Variants in NKAIN2 observed in about 807,000 individuals in gnomAD.
The protein encoded by NKAIN2 is sodium/potassium-transporting ATPase subunit beta-1-interacting protein 2.
NKAIN2 carries 14 observed loss-of-function variants against 32.6 expected under a neutral mutation model. That is an observed-to-expected ratio of 0.43 (90% CI 0.28 to 0.67). The LOEUF is 0.67. Ranked by LOEUF, NKAIN2 falls within the 30% of genes least tolerant of loss-of-function variation. The pLI is 0.17. For missense variants in NKAIN2, 198 were observed against 258.3 expected (o/e 0.77, Z 1.60); for synonymous variants, 80 against 87.2 (o/e 0.92, Z 0.46).
At chr6:124,607,497 T>C (rs1176591047) in intron 3 of NKAIN2, among the ~76,000 whole-genome samples, 1 of 152,134 alleles carries the variant, frequency 6.6e-6, no homozygotes, top group Non-Finnish European at 1.5e-5. Flanking sequence ...CTAAATTAGA[T>C]TTCAATTTGT....
chr6:124,091,468 A>C (rs1784416865), intron 1 of NKAIN2, among the ~76,000 whole-genome samples: 1 of 152,050 alleles, frequency 6.6e-6, no homozygotes, highest in South Asian at 2.1e-4. Flanking sequence ...GTTGCATAAT[A>C]AGAAAACTGA....
At chr6:123,942,807 C>T (rs1410221015) in intron 1 of NKAIN2, among the ~76,000 whole-genome samples, 4 of 152,032 alleles carry the variant, frequency 2.6e-5, no homozygotes, top group Admixed American at 2.6e-4. Context: ...TTATCAATAG[C>T]TTCACAACAG....
chr6:124,010,272 C>T (rs1780266238), intron 1 of NKAIN2, among the ~76,000 whole-genome samples: 1 of 151,790 alleles, frequency 6.6e-6, no homozygotes, highest in South Asian at 2.1e-4. Context: ...GGCCCCTGGG[C>T]ATTTTTTAAC....
At chr6:124,572,418 C>G (rs1385792528) in intron 3 of NKAIN2, among the ~76,000 whole-genome samples, 1 of 152,160 alleles carries the variant, frequency 6.6e-6, no homozygotes, top group Non-Finnish European at 1.5e-5. Flanking sequence ...TGAACCATAA[C>G]TGAGCAAAAA....
intron 3 of NKAIN2, among the ~76,000 whole-genome samples, chr6:124,532,547 C>G (rs1779563348): frequency 6.6e-6 from 1 of 152,082 alleles, no homozygotes; most frequent in South Asian, 2.1e-4. Context: ...CAACCTCTTT[C>G]CATGAAGAGA....
chr6:124,136,443 A>G (rs771049552), intron 1 of NKAIN2, among the ~76,000 whole-genome samples: 23 of 152,152 alleles, frequency 1.5e-4, no homozygotes, highest in Admixed American at 4.6e-4. Flanking sequence ...AAGAACTGGT[A>G]CCAATTCTAC....
intron 1 of NKAIN2, among the ~76,000 whole-genome samples, chr6:123,867,751 T>C (rs1772613292): frequency 6.6e-6 from 1 of 152,214 alleles, no homozygotes; most frequent in African/African-American, 2.4e-5. Flanking sequence ...TCTGAATCTT[T>C]CTCAAAGCAC....
intron 1 of NKAIN2, among the ~76,000 whole-genome samples, chr6:123,807,072 C>T (rs568342636): frequency 6.6e-6 from 1 of 151,968 alleles, no homozygotes; most frequent in African/African-American, 2.4e-5. Context: ...ATTTACCTGT[C>T]AGAATTCTAT....
At chr6:124,306,428 C>T (rs1355982538) in intron 2 of NKAIN2, among the ~76,000 whole-genome samples, 6 of 152,032 alleles carry the variant, frequency 3.9e-5, no homozygotes, top group Non-Finnish European at 8.8e-5. Flanking sequence ...ATCTAAAAAG[C>T]AAAATATGGA....
At chr6:124,683,935 G>T (rs970351903) in intron 4 of NKAIN2, among the ~76,000 whole-genome samples, 1 of 152,142 alleles carries the variant, frequency 6.6e-6, no homozygotes, top group Non-Finnish European at 1.5e-5. Flanking sequence ...ATTTCTAAAG[G>T]AGAACAGGTT....
At chr6:124,623,189 C>T (rs1328529309) in intron 3 of NKAIN2, among the ~76,000 whole-genome samples, 1 of 152,132 alleles carries the variant, frequency 6.6e-6, no homozygotes, top group Admixed American at 6.5e-5. Context: ...ATCATTCAAC[C>T]CACTGTAATA....
chr6:124,028,911 ATG>A (rs1781276955), intron 1 of NKAIN2, among the ~76,000 whole-genome samples: 12 of 74,294 alleles, frequency 1.6e-4, no homozygotes, highest in Non-Finnish European at 2.5e-4. Context: ...ATACACATAT[ATG>A]TATATATATG....
At chr6:124,602,611 A>G (rs1782351584) in intron 3 of NKAIN2, among the ~76,000 whole-genome samples, 1 of 151,930 alleles carries the variant, frequency 6.6e-6, no homozygotes, top group Non-Finnish European at 1.5e-5. Context: ...AAGCTAAGGA[A>G]AAGACCAGCA....
chr6:124,181,817 A>G (rs1248432923), intron 1 of NKAIN2, among the ~76,000 whole-genome samples: 2 of 152,160 alleles, frequency 1.3e-5, no homozygotes, highest in East Asian at 3.9e-4. Context: ...GGTCAAAGCC[A>G]TTCAACAAGT....
At chr6:124,694,243 T>G (rs1774388649) in intron 4 of NKAIN2, among the ~76,000 whole-genome samples, 1 of 152,216 alleles carries the variant, frequency 6.6e-6, no homozygotes, top group Admixed American at 6.5e-5. Context: ...TCTGTTGTCC[T>G]GGCACATATG....
rs906446440 is a variant in NKAIN2, at chr6:124,810,076, G to C, written c.536-8311G>C. 1.9e-4 allele frequency among the ~76,000 whole-genome samples: 29 copies of C among 152,164 alleles called. 1 individual carries two copies. Among genetic ancestry groups the C allele is most frequent in the Admixed American group, 6.5e-4 (10 of 15,282 alleles). ...CAACCATTGTGGAAGTCAGTGTGGC[G>C]ATTCCTCAGGGATCTAGAACTAGAA... is the stretch of plus-strand genomic sequence containing the variant. On this transcript the variant is annotated intron_variant, in intron 5 of 6. Coordinates refer to ENST00000368417, the MANE Select transcript of NKAIN2 (RefSeq NM_001040214.3).
intron 2 of NKAIN2, among the ~76,000 whole-genome samples, chr6:124,284,919 AT>A (rs1795469265): frequency 1.3e-5 from 2 of 150,080 alleles, no homozygotes; most frequent in South Asian, 2.1e-4. Flanking sequence ...AAAAAAAAAA[AT>A]TTGGGCTTTC....
chr6:124,547,520 A>T (rs1780138290), intron 3 of NKAIN2, among the ~76,000 whole-genome samples: 1 of 152,232 alleles, frequency 6.6e-6, no homozygotes, highest in South Asian at 2.1e-4. Context: ...AACATTACAA[A>T]ACAATTATCC....
intron 3 of NKAIN2, among the ~76,000 whole-genome samples, chr6:124,477,689 TC>T (rs1777277075): frequency 1.2e-5 from 1 of 80,228 alleles, no homozygotes; most frequent in Non-Finnish European, 2.3e-5. Context: ...CCCTCCCCTC[TC>T]CCTCATCCTC....
Sources: allele counts gnomAD v4.1 joint callset (sites outside exome capture counted in the v4.1 genomes callset), GRCh38; gene constraint gnomAD v4.1.1; transcripts MANE v1.5; gene names NCBI Gene and HGNC (gene_info 2026-07-23, HGNC 2026-07-21).